The following RGS6 variants were observed in gnomAD, a reference collection of about 807,000 sequenced individuals.
RGS6 encodes the protein regulator of G-protein signaling 6.
RGS6 carries 30 observed loss-of-function variants against 78.5 expected under a neutral mutation model. The ratio of observed to expected loss-of-function variants is 0.38; its 90% confidence interval spans 0.29 to 0.52. The LOEUF is 0.52. Ranked by LOEUF, RGS6 falls within the 20% of genes least tolerant of loss-of-function variation. The probability of loss-of-function intolerance (pLI) is 0.85; values close to 1 mark genes in which losing one functional copy is unlikely to be tolerated. For synonymous variants in RGS6, 206 were observed against 206.0 expected (o/e 1.00, Z 0.00); for missense variants, 495 against 609.7 (o/e 0.81, Z 1.98).
At chr14:72,025,079 TG>T (rs1416677197) in intron 2 of RGS6, among the ~76,000 whole-genome samples, 1 of 152,186 alleles carries the variant, frequency 6.6e-6, no homozygotes, top group Admixed American at 6.5e-5. Context: ...CCTATGTTTC[TG>T]TATATAAAGA....
intron 2 of RGS6, among the ~76,000 whole-genome samples, chr14:72,113,288 C>T (rs573377362): frequency 2.0e-5 from 3 of 152,310 alleles, no homozygotes; most frequent in African/African-American, 7.2e-5. Context: ...TTATCAGTCC[C>T]TTTTTCCTCA....
intron 2 of RGS6, among the ~76,000 whole-genome samples, chr14:72,111,471 A>G (rs1235732797): frequency 3.5e-4 from 53 of 152,210 alleles, no homozygotes; most frequent in Admixed American, 3.5e-3. Flanking sequence ...CCACTTACAA[A>G]TTACACATCT....
In RGS6 at chr14:71,932,456, C is replaced by T. The variant is rs1020944669; in HGVS notation, c.-506C>T. 4.0e-5 allele frequency: 6 copies of T among 151,800 alleles called. No homozygotes were observed. Among genetic ancestry groups the T allele is most frequent in the East Asian group, 1.9e-4 (1 of 5,156 alleles). 9.4% of individuals were successfully genotyped at this position (151,800 alleles called of 1,614,324 possible). Reference sequence around the variant, plus strand: ...ACGGCTTCGCGAGTTGGGGCAGCTCCTCGCGCTCGGCCCTGCTCGGCGGCG... The same window carrying T: ...ACGGCTTCGCGAGTTGGGGCAGCTCTTCGCGCTCGGCCCTGCTCGGCGGCG... On this transcript the variant is annotated 5_prime_UTR_variant, in exon 1 of 18. Coordinates refer to ENST00000553525, the MANE Select transcript of RGS6 (RefSeq NM_001204424.2).
intron 3 of RGS6, among the ~76,000 whole-genome samples, chr14:72,405,083 C>T (rs1596985829): frequency 6.6e-6 from 1 of 152,146 alleles, no homozygotes; most frequent in Non-Finnish European, 1.5e-5. Context: ...AAAAAAAAAT[C>T]CTTGACAATC....
intron 2 of RGS6, among the ~76,000 whole-genome samples, chr14:72,229,236 A>C (rs2048912482): frequency 6.6e-6 from 1 of 152,110 alleles, no homozygotes; most frequent in South Asian, 2.1e-4. Flanking sequence ...GCTGATTTCT[A>C]ACTAGTCATT....
At chr14:72,410,883 A>G (rs539728420) in intron 3 of RGS6, among the ~76,000 whole-genome samples, 1 of 152,240 alleles carries the variant, frequency 6.6e-6, no homozygotes, top group African/African-American at 2.4e-5. Flanking sequence ...AGTTGTAGAT[A>G]TGCAGCATTA....
intron 2 of RGS6, among the ~76,000 whole-genome samples, chr14:72,029,168 G>A (rs548584726): frequency 4.6e-5 from 7 of 152,242 alleles, no homozygotes; most frequent in South Asian, 4.2e-4. Flanking sequence ...TTTATCCCTC[G>A]TTCTGTGACA....
At chr14:72,462,121 A>C (rs2283379) in intron 6 of RGS6, among the ~76,000 whole-genome samples, 25,100 of 152,156 alleles carry the variant, frequency 0.16, 2,311 homozygotes, top group Middle Eastern at 0.29. Context: ...CTTTCATTCA[A>C]TTGACAAACG....
chr14:72,124,539 T>G (rs1434223852), intron 2 of RGS6, among the ~76,000 whole-genome samples: 4 of 152,230 alleles, frequency 2.6e-5, no homozygotes. Context: ...CAAGTGTGTC[T>G]TAGGCATTTG....
At chr14:72,580,675 A>C in the RGS6 span, among the ~76,000 whole-genome samples, 58 of 152,256 alleles carry the variant, frequency 3.8e-4, no homozygotes, top group Non-Finnish European at 1.5e-5. Context: ...TGGAGAATGA[A>C]GTGGCTTTGA....
chr14:71,920,932 G>A, the RGS6 span, among the ~76,000 whole-genome samples: 1 of 152,058 alleles, frequency 6.6e-6, no homozygotes, highest in Non-Finnish European at 1.5e-5. Context: ...CATATGGAAT[G>A]GGAGAAAATA....
chr14:72,039,228 A>G (rs1276393161), intron 2 of RGS6, among the ~76,000 whole-genome samples: 1 of 152,222 alleles, frequency 6.6e-6, no homozygotes, highest in Non-Finnish European at 1.5e-5. Flanking sequence ...TCAATTATGC[A>G]TTAATCTCAG....
At chr14:72,001,349 T>C (rs962421860) in intron 2 of RGS6, among the ~76,000 whole-genome samples, 1 of 152,148 alleles carries the variant, frequency 6.6e-6, no homozygotes, top group Non-Finnish European at 1.5e-5. Flanking sequence ...ACTGGAGAAT[T>C]GCTATGCAAT....
the RGS6 span, chr14:72,619,991 G>A: frequency 6.5e-7 from 1 of 1,533,062 alleles, no homozygotes; most frequent in Non-Finnish European, 8.7e-7. Context: ...GGTCCTGGTG[G>A]AACACAGAGT....
chr14:71,997,451 A>C (rs955037999), intron 2 of RGS6, among the ~76,000 whole-genome samples: 10 of 152,324 alleles, frequency 6.6e-5, no homozygotes, highest in African/African-American at 2.4e-4. Flanking sequence ...GACATAGATA[A>C]AATTAAGAAG....
At chr14:71,932,154 C>G (rs1328846336), upstream of RGS6, among the ~76,000 whole-genome samples, 1 of 152,254 alleles carries the variant, frequency 6.6e-6, no homozygotes, top group Non-Finnish European at 1.5e-5. Context: ...TTCTCGGCGG[C>G]TTCTTGAGGA....
chr14:72,271,924 T>C (rs2060005838), intron 2 of RGS6, among the ~76,000 whole-genome samples: 1 of 151,062 alleles, frequency 6.6e-6, no homozygotes, highest in Admixed American at 6.6e-5. Flanking sequence ...GCATCACTTT[T>C]TTTTTTTTTT....
chr14:72,133,135 A>T (rs528514831), intron 2 of RGS6, among the ~76,000 whole-genome samples: 1 of 152,036 alleles, frequency 6.6e-6, no homozygotes, highest in Non-Finnish European at 1.5e-5. Context: ...TCATTCATTT[A>T]TTTGTTCCCG....
At chr14:72,227,795 G>A (rs2048477771) in intron 2 of RGS6, among the ~76,000 whole-genome samples, 1 of 152,106 alleles carries the variant, frequency 6.6e-6, no homozygotes, top group African/African-American at 2.4e-5. Flanking sequence ...CTGTATAGAG[G>A]GACCTCTGGG....
Sources: gnomAD v4.1 joint callset for allele counts (sites outside exome capture counted in the v4.1 genomes callset) on GRCh38, gnomAD v4.1.1 for gene constraint, MANE v1.5 for transcripts, NCBI Gene and HGNC (gene_info 2026-07-23, HGNC 2026-07-21) for gene names.